The following AMPH variants were observed in gnomAD, a reference collection of about 807,000 sequenced individuals.
The protein encoded by AMPH is amphiphysin (Stiff-Mann syndrome with breast cancer 128kD autoantigen).
A neutral mutation model predicts 99.1 loss-of-function variants in AMPH; 49 were observed. The observed-to-expected ratio is 0.49, with a 90% CI of 0.39 to 0.63. The LOEUF (loss-of-function observed/expected upper bound fraction) is 0.63. Among genes scored for constraint, AMPH ranks in the 20% least tolerant of loss-of-function variants. The probability of loss-of-function intolerance (pLI) is 0.00; values close to 1 mark genes in which losing one functional copy is unlikely to be tolerated. For synonymous variants in AMPH, 314 were observed against 317.3 expected (o/e 0.99, Z 0.11); for missense variants, 759 against 863.4 (o/e 0.88, Z 1.52).
chr7:38,610,377 GGAAAGGAAAAGAAAAGAAAAGAAAA>G (rs1793635855), intron 1 of AMPH, among the ~76,000 whole-genome samples: 1 of 24,186 alleles, frequency 4.1e-5, no homozygotes, highest in Non-Finnish European at 9.3e-5. Context: ...AGAAAAGAAA[GGAAAGGAAAAGAAAAGAAAAGAAAA>G]GAAAAGAAAA....
At chr7:38,608,729 C>T (rs1793521986) in intron 1 of AMPH, among the ~76,000 whole-genome samples, 1 of 152,180 alleles carries the variant, frequency 6.6e-6, no homozygotes, top group African/African-American at 2.4e-5. Context: ...GCCTGGCCCC[C>T]AGACACTGTC....
intron 11 of AMPH, among the ~76,000 whole-genome samples, chr7:38,459,574 G>T (rs1280822690): frequency 6.6e-6 from 1 of 151,898 alleles, no homozygotes; most frequent in Non-Finnish European, 1.5e-5. Flanking sequence ...TTCAGTAAAG[G>T]TATCAAGAAC....
At chr7:38,590,511 C>T (rs1463328652) in intron 1 of AMPH, among the ~76,000 whole-genome samples, 1 of 152,164 alleles carries the variant, frequency 6.6e-6, no homozygotes, top group African/African-American at 2.4e-5. Context: ...TGGGAGGGGA[C>T]CCAAAGGGGG....
In AMPH at chr7:38,422,431, A is replaced by T; in HGVS notation, c.1262T>A (p.Ile421Asn). ...LFTMQTDQSMICNLAESEQAP... is the reference protein window; with the variant it reads ...LFTMQTDQSMNCNLAESEQAP... ...CCCAAATCAACTTACCAAGTTGCAG[A>T]TCATACTCTGGTCTGTCTGCATTGT... is the stretch of plus-strand genomic sequence containing the variant. Residue 421 changes from isoleucine to asparagine, a missense_variant, in exon 16 of 21, where the codon ATC becomes AAC. Around this residue, in one of 2 missense-constraint regions of AMPH, gnomAD observed 554 missense variants for 575.6 expected, o/e 0.96. Coordinates refer to ENST00000356264, the MANE Select transcript of AMPH (RefSeq NM_001635.4). The T allele has an allele frequency of 6.2e-7, 1 of 1,613,562 alleles. No individual in the cohort carries two copies.
chr7:38,614,111 G>T (rs1157132153), intron 1 of AMPH, among the ~76,000 whole-genome samples: 1 of 152,158 alleles, frequency 6.6e-6, no homozygotes, highest in Non-Finnish European at 1.5e-5. Flanking sequence ...TGCACCTTCT[G>T]CACATCTCCC....
intron 2 of AMPH, among the ~76,000 whole-genome samples, chr7:38,510,546 T>C (rs934356681): frequency 1.3e-5 from 2 of 152,202 alleles, no homozygotes; most frequent in Non-Finnish European, 2.9e-5. Context: ...TGGTAGCTCA[T>C]ACTCCTCACA....
intron 7 of AMPH, among the ~76,000 whole-genome samples, chr7:38,474,483 T>C (rs1156809325): frequency 6.6e-6 from 1 of 152,112 alleles, no homozygotes; most frequent in Non-Finnish European, 1.5e-5. Context: ...AACACAAAAA[T>C]GGGCAAACTT....
chr7:38,622,985 C>T (rs1169177380), intron 1 of AMPH, among the ~76,000 whole-genome samples: 5 of 152,062 alleles, frequency 3.3e-5, no homozygotes, highest in South Asian at 2.1e-4. Context: ...GAACGGTATC[C>T]GAATGCTGGA....
chr7:38,494,923 A>C (rs1389465341), intron 3 of AMPH, among the ~76,000 whole-genome samples: 1 of 152,220 alleles, frequency 6.6e-6, no homozygotes, highest in Non-Finnish European at 1.5e-5. Context: ...ATTTAAATAC[A>C]TGGCATAAAG....
chr7:38,624,711 G>A (rs1794186035), intron 1 of AMPH, among the ~76,000 whole-genome samples: 1 of 152,018 alleles, frequency 6.6e-6, no homozygotes, highest in Non-Finnish European at 1.5e-5. Flanking sequence ...ATCCCAGAGA[G>A]ATCAAGTATT....
chr7:38,545,509 G>A (rs900747432), intron 1 of AMPH, among the ~76,000 whole-genome samples: 1 of 152,178 alleles, frequency 6.6e-6, no homozygotes, highest in African/African-American at 2.4e-5. Context: ...TTCCACTGCA[G>A]TCCTACCTGG....
intron 2 of AMPH, among the ~76,000 whole-genome samples, chr7:38,511,385 A>G (rs886308957): frequency 2.0e-5 from 3 of 152,154 alleles, no homozygotes; most frequent in Non-Finnish European, 4.4e-5. Flanking sequence ...TTTCATTTGT[A>G]CTTTTAAGTA....
Position 38,463,125 on chromosome 7 carries a change from C to T in AMPH, c.750-12G>A, listed in dbSNP as rs768084912. The T allele has an allele frequency of 6.2e-7, 1 of 1,613,888 alleles. No individual in the cohort carries two copies. The highest frequency in any genetic ancestry group is 1.7e-5 in the Admixed American group (1 of 60,018). ...GAGGACCCGAATCACTAGAGGAACA[C>T]AGGGGATTGGGCAAGGGGCCTTCTC... On this transcript the variant is annotated splice_polypyrimidine_tract_variant and intron_variant, in intron 9 of 20. Coordinates refer to ENST00000356264, the MANE Select transcript of AMPH (RefSeq NM_001635.4).
At chr7:38,546,193 G>T (rs1435135344) in intron 1 of AMPH, among the ~76,000 whole-genome samples, 1 of 152,222 alleles carries the variant, frequency 6.6e-6, no homozygotes, top group African/African-American at 2.4e-5. Flanking sequence ...ATCTGAGGCT[G>T]CCTATGTCAG....
At chr7:38,529,881 C>A (rs1451757603) in intron 2 of AMPH, among the ~76,000 whole-genome samples, 1 of 152,142 alleles carries the variant, frequency 6.6e-6, no homozygotes, top group African/African-American at 2.4e-5. Context: ...TATAATTTAT[C>A]GTAAATTAAA....
intron 2 of AMPH, among the ~76,000 whole-genome samples, chr7:38,525,275 TATAGAGAGAGAG>T (rs1389200895): frequency 0.015 from 1,307 of 86,256 alleles, 6 homozygotes; most frequent in South Asian, 0.033. Context: ...TATATATATA[TATAGAGAGAGAG>T]AGAGAGAGAG....
chr7:38,508,042 G>A (rs1294562678), intron 2 of AMPH, among the ~76,000 whole-genome samples: 2 of 152,166 alleles, frequency 1.3e-5, no homozygotes, highest in Non-Finnish European at 2.9e-5. Context: ...GTATAATTTT[G>A]TTAGTTTACC....
At chr7:38,525,256 GTGTA>G (rs1373720758) in intron 2 of AMPH, among the ~76,000 whole-genome samples, 1 of 64,208 alleles carries the variant, frequency 1.6e-5, no homozygotes, top group East Asian at 4.2e-4. Context: ...GTGTGTGTGT[GTGTA>G]TATATATATA....
At chr7:38,605,563 C>T (rs572503206) in intron 1 of AMPH, among the ~76,000 whole-genome samples, 1 of 150,456 alleles carries the variant, frequency 6.6e-6, no homozygotes. Flanking sequence ...GTTTTCTTTT[C>T]GTTTTTTCTT....
Sources: allele counts gnomAD v4.1 joint callset (sites outside exome capture counted in the v4.1 genomes callset), GRCh38; gene constraint gnomAD v4.1.1; regional missense constraint gnomAD v4.1.1; transcripts MANE v1.5; gene names NCBI Gene and HGNC (gene_info 2026-07-23, HGNC 2026-07-21).